TMEM272: variants seen among roughly 807,000 people sequenced by gnomAD.
TMEM272 encodes the protein long intergenic non-protein coding RNA 282.
TMEM272 carries 8 observed loss-of-function variants against 3.7 expected under a neutral mutation model. The observed-to-expected ratio is 2.17, with a 90% CI of 1.27 to 3.91. The LOEUF is 3.91. Among genes scored for constraint, TMEM272 ranks in the 30% most tolerant of loss-of-function variants. The pLI, the probability that TMEM272 is intolerant of heterozygous loss-of-function variation, is 0.00. For missense variants in TMEM272, 166 were observed against 91.5 expected (o/e 1.81, Z -3.32); for synonymous variants, 63 against 39.8 (o/e 1.58, Z -2.20).
chr13:51,851,351 AAGAAGAGG>A, the TMEM272 span, among the ~76,000 whole-genome samples: 2 of 149,330 alleles, frequency 1.3e-5, no homozygotes, highest in East Asian at 4.6e-4. Flanking sequence ...ACCAAAAAAA[AAGAAGAGG>A]AAGAAGAGGA....
chr13:51,866,491 C>A, the TMEM272 span, among the ~76,000 whole-genome samples: 1 of 152,204 alleles, frequency 6.6e-6, no homozygotes, highest in Non-Finnish European at 1.5e-5. Context: ...GGGGAGGTCA[C>A]TTCTCCTTCA....
chr13:51,859,650 T>C, the TMEM272 span, among the ~76,000 whole-genome samples: 63,806 of 151,670 alleles, frequency 0.42, 13,625 homozygotes, highest in East Asian at 0.53. Flanking sequence ...TGCCCACACA[T>C]GATAAAAAAT....
the TMEM272 span, among the ~76,000 whole-genome samples, chr13:51,851,576 G>C: frequency 3.6e-5 from 5 of 139,090 alleles, no homozygotes; most frequent in Non-Finnish European, 7.5e-5. Flanking sequence ...CCAGGCTAGA[G>C]TGCAGTGGCA....
chr13:51,926,286 C>T, the TMEM272 span, among the ~76,000 whole-genome samples: 947 of 152,258 alleles, frequency 6.2e-3, 9 homozygotes, highest in African/African-American at 0.02. Flanking sequence ...GAGCCCCTCC[C>T]GCAGTGACCT....
At chr13:51,898,385 C>A in the TMEM272 span, among the ~76,000 whole-genome samples, 6 of 151,864 alleles carry the variant, frequency 4.0e-5, no homozygotes, top group Admixed American at 1.3e-4. Context: ...TATCTACATG[C>A]TTTTCAGTTT....
chr13:51,836,950 G>A (rs1042546338), intron 2 of TMEM272, among the ~76,000 whole-genome samples: 24 of 152,330 alleles, frequency 1.6e-4, no homozygotes, highest in African/African-American at 2.6e-4. Context: ...GAGAGCAAAC[G>A]CTTCTGTTTT....
the TMEM272 span, chr13:51,910,771 T>G: frequency 5.6e-6 from 2 of 355,866 alleles, no homozygotes; most frequent in Admixed American, 4.0e-5. Flanking sequence ...CGGGGGAATC[T>G]GGAGGACACG....
At chr13:51,820,913 T>C (rs911206161) in intron 4 of TMEM272, among the ~76,000 whole-genome samples, 6 of 152,208 alleles carry the variant, frequency 3.9e-5, no homozygotes, top group Admixed American at 3.9e-4. Flanking sequence ...TGTTAGGAGA[T>C]GGGGACATTT....
At chr13:51,916,427 T>G in the TMEM272 span, among the ~76,000 whole-genome samples, 1 of 152,230 alleles carries the variant, frequency 6.6e-6, no homozygotes, top group Admixed American at 6.5e-5. Context: ...AAAGGGTTTC[T>G]ATGTACTTAT....
chr13:51,823,490 CTAT>C (rs1457680155), intron 3 of TMEM272, among the ~76,000 whole-genome samples: 1 of 152,244 alleles, frequency 6.6e-6, no homozygotes, highest in Non-Finnish European at 1.5e-5. Context: ...GCAGACTGGA[CTAT>C]TATGTCATCA....
chr13:51,910,050 T>C, the TMEM272 span: 1 of 1,361,268 alleles, frequency 7.3e-7, no homozygotes, highest in Non-Finnish European at 1.1e-6. Context: ...GAAGGTCATT[T>C]TGGCTTCAGT....
At chr13:51,896,900 A>G in the TMEM272 span, among the ~76,000 whole-genome samples, 8,343 of 152,278 alleles carry the variant, frequency 0.055, 322 homozygotes, top group African/African-American at 0.11. Context: ...CCAGGCAGGT[A>G]TGGATTTTTG....
At chr13:51,865,381 G>A in the TMEM272 span, 2 of 1,586,638 alleles carry the variant, frequency 1.3e-6, no homozygotes, top group Non-Finnish European at 1.7e-6. Context: ...CATCCCTCAT[G>A]GCCACCCCGC....
chr13:51,869,459 TTTAAG>T, the TMEM272 span, among the ~76,000 whole-genome samples: 1 of 151,694 alleles, frequency 6.6e-6, no homozygotes, highest in East Asian at 1.9e-4. Flanking sequence ...TTCCAGTCAC[TTTAAG>T]TTAAAAAACC....
chr13:51,850,834 G>C, the TMEM272 span, among the ~76,000 whole-genome samples: 3 of 151,964 alleles, frequency 2.0e-5, no homozygotes, highest in African/African-American at 7.3e-5. Flanking sequence ...TCATACAATA[G>C]AAAGAAATGT....
chr13:51,845,227 G>A (rs574421681), upstream of TMEM272: 2 of 152,272 alleles, frequency 1.3e-5, no homozygotes, highest in Non-Finnish European at 2.9e-5. Flanking sequence ...TCCCACGTGT[G>A]GGGAGAGCAG....
At chr13:51,922,665 C>T in the TMEM272 span, among the ~76,000 whole-genome samples, 8 of 152,162 alleles carry the variant, frequency 5.3e-5, no homozygotes, top group South Asian at 2.1e-4. Flanking sequence ...GTCCTCTTAC[C>T]GTCCCAGAGG....
At chr13:51,835,779 C>T (rs1956212137) in intron 2 of TMEM272, among the ~76,000 whole-genome samples, 1 of 152,166 alleles carries the variant, frequency 6.6e-6, no homozygotes, top group Non-Finnish European at 1.5e-5. Flanking sequence ...ATAGAGCAAA[C>T]ATTCAGATAC....
At chr13:51,865,751 T>C in the TMEM272 span, 1 of 1,614,028 alleles carries the variant, frequency 6.2e-7, no homozygotes, top group East Asian at 2.2e-5. Context: ...CTGGAAAAAG[T>C]ACCGCACTTT....
Sources: allele counts gnomAD v4.1 joint callset (sites outside exome capture counted in the v4.1 genomes callset), GRCh38; gene constraint gnomAD v4.1.1; transcripts MANE v1.5; gene names NCBI Gene and HGNC (gene_info 2026-07-23, HGNC 2026-07-21).